The following FHOD3 variants were observed in gnomAD, a reference collection of about 807,000 sequenced individuals.
FHOD3 encodes the protein formin homology 2 domain containing 3.
A neutral mutation model predicts 173.0 loss-of-function variants in FHOD3; 90 were observed. The observed-to-expected ratio is 0.52, with a 90% CI of 0.44 to 0.62. The LOEUF (loss-of-function observed/expected upper bound fraction) is 0.62, where lower values mean the gene tolerates loss of function less well. FHOD3 is among the 20% of genes least tolerant of loss of function. FHOD3 has a pLI of 0.00. For missense variants in FHOD3, 1,945 were observed against 2,034.7 expected, an observed-to-expected ratio of 0.96 and a Z score of 0.85; for synonymous variants, 828 against 823.0, an observed-to-expected ratio of 1.01 and a Z score of -0.10.
In FHOD3 at chr18:36,352,374, A is replaced by G. The variant is rs185007617; in HGVS notation, c.166-3165A>G. On this transcript the variant is annotated intron_variant, in intron 1 of 28. Transcript: ENST00000590592. ...AGACATTCACAGTGTGTCACTTCCT[A>G]ATTATTTTACTCCATTCTGCTACCT... 2.1e-3 allele frequency among the ~76,000 whole-genome samples: 319 copies of G among 152,318 alleles called. 3 individuals carry two copies. The highest frequency in any genetic ancestry group is 7.3e-3 in the African/African-American group (305 of 41,580).
At chr18:36,533,622 CTT>C (rs2056875628) in intron 5 of FHOD3, among the ~76,000 whole-genome samples, 2 of 152,270 alleles carry the variant, frequency 1.3e-5, no homozygotes, top group Middle Eastern at 3.4e-3. Context: ...GGATCAATGA[CTT>C]TGATAACTGG....
At chr18:36,582,805 G>A (rs1046162191) in intron 6 of FHOD3, among the ~76,000 whole-genome samples, 5 of 152,204 alleles carry the variant, frequency 3.3e-5, no homozygotes, top group African/African-American at 4.8e-5. Context: ...ACATCTTTTA[G>A]CAGCAGCCTT....
intron 14 of FHOD3, among the ~76,000 whole-genome samples, chr18:36,680,515 A>G (rs1360040308): frequency 6.6e-6 from 1 of 152,242 alleles, no homozygotes; most frequent in South Asian, 2.1e-4. Context: ...GAGATCCATC[A>G]GACTCCTTTA....
intron 3 of FHOD3, among the ~76,000 whole-genome samples, chr18:36,465,125 C>G (rs941543288): frequency 6.6e-6 from 1 of 152,226 alleles, no homozygotes; most frequent in East Asian, 1.9e-4. Context: ...GACAAGAGTT[C>G]GAGACCAGCC....
At chr18:36,649,520 C>G (rs2035911291) in intron 11 of FHOD3, 115 bp downstream of exon 11, 3 of 707,054 alleles carry the variant, frequency 4.2e-6, no homozygotes, top group Non-Finnish European at 6.9e-6. Context: ...CACTTGCAAA[C>G]TCTTACTTAC....
At chr18:36,711,583 C>A (rs76355418) in intron 18 of FHOD3, 3 of 152,154 alleles carry the variant, frequency 2.0e-5, no homozygotes, top group Non-Finnish European at 1.5e-5. Context: ...ACAAAACAAT[C>A]GATGAATAAA....
Position 36,759,144 on chromosome 18 carries a change from A to G in FHOD3, c.4449+3A>G. Reference sequence around the variant, plus strand: ...CTGATGAGGAGGAGGAAGTTGAGGTATGACCATTTATGAACATGAAGAATG... The same window carrying G: ...CTGATGAGGAGGAGGAAGTTGAGGTGTGACCATTTATGAACATGAAGAATG... On this transcript the variant is annotated splice_donor_region_variant and intron_variant, in intron 26 of 28. Coordinates refer to ENST00000590592, the MANE Select transcript of FHOD3 (RefSeq NM_001281740.3). 6.5e-7 allele frequency: 1 copy of G among 1,535,824 alleles called. No individual in the cohort carries two copies. Among genetic ancestry groups the G allele is most frequent in the Non-Finnish European group, 8.7e-7 (1 of 1,146,680 alleles).
intron 10 of FHOD3, among the ~76,000 whole-genome samples, chr18:36,638,528 G>A (rs759845622): frequency 2.6e-5 from 4 of 152,142 alleles, no homozygotes; most frequent in Non-Finnish European, 4.4e-5. Context: ...CGGATTGGAG[G>A]CAAGGGAGAG....
At chr18:36,716,433 C>T (rs542713671) in intron 18 of FHOD3, among the ~76,000 whole-genome samples, 12 of 152,270 alleles carry the variant, frequency 7.9e-5, no homozygotes, top group African/African-American at 2.6e-4. Context: ...ATTAAGTTGC[C>T]GTAGCTGAGA....
chr18:36,512,200 G>A (rs2055695626), intron 4 of FHOD3, among the ~76,000 whole-genome samples: 1 of 152,224 alleles, frequency 6.6e-6, no homozygotes, highest in Non-Finnish European at 1.5e-5. Flanking sequence ...AGATTCATTT[G>A]CCTTATCTTT....
At chr18:36,561,959 G>GTGTAT (rs36233913) in intron 5 of FHOD3, among the ~76,000 whole-genome samples, 22,210 of 126,954 alleles carry the variant, frequency 0.17, 3,174 homozygotes, top group Admixed American at 0.21. Context: ...CTACTACACT[G>GTGTAT]TGTATTGTAT....
intron 25 of FHOD3, among the ~76,000 whole-genome samples, chr18:36,758,761 T>C (rs777798868): frequency 4.2e-4 from 64 of 152,194 alleles, no homozygotes; most frequent in Non-Finnish European, 8.2e-4. Context: ...CCAAGCCATA[T>C]GGTTCACAGA....
At chr18:36,701,619 C>T (rs1241406693) in intron 17 of FHOD3, among the ~76,000 whole-genome samples, 1 of 152,130 alleles carries the variant, frequency 6.6e-6, no homozygotes, top group African/African-American at 2.4e-5. Flanking sequence ...TTCTTCTTTT[C>T]CTTGAACCAT....
chr18:36,702,783 A>G (rs1346929397), intron 17 of FHOD3, among the ~76,000 whole-genome samples: 1 of 152,286 alleles, frequency 6.6e-6, no homozygotes, highest in East Asian at 1.9e-4. Context: ...GATGAAAGCA[A>G]CATTGAAACA....
chr18:36,735,616 A>C (rs959486068), intron 20 of FHOD3, among the ~76,000 whole-genome samples: 2 of 152,230 alleles, frequency 1.3e-5, no homozygotes, highest in Non-Finnish European at 2.9e-5. Flanking sequence ...AGAATGAAAG[A>C]AGATACTATC....
chr18:36,510,562 TCTCA>T (rs1568365381), intron 4 of FHOD3, among the ~76,000 whole-genome samples: 1 of 152,218 alleles, frequency 6.6e-6, no homozygotes, highest in Non-Finnish European at 1.5e-5. Context: ...GAGAGCTTGT[TCTCA>T]CTTTTTCACC....
intron 3 of FHOD3, among the ~76,000 whole-genome samples, chr18:36,468,834 C>T (rs2053108726): frequency 6.6e-6 from 1 of 152,142 alleles, no homozygotes; most frequent in Non-Finnish European, 1.5e-5. Context: ...AAGCCACCTC[C>T]AGCTGAGAGC....
intron 19 of FHOD3, among the ~76,000 whole-genome samples, chr18:36,729,807 C>T (rs760310100): frequency 6.6e-6 from 1 of 152,218 alleles, no homozygotes; most frequent in African/African-American, 2.4e-5. Context: ...GCTTATAACA[C>T]GTGCTTGCCA....
rs1456651752 is a variant in FHOD3, at chr18:36,742,856, T to A, written c.3879T>A (p.Asn1293Lys). The A allele has an allele frequency of 1.2e-6, 2 of 1,611,222 alleles. No individual in the cohort carries two copies. The highest frequency in any genetic ancestry group is 2.7e-5 in the African/African-American group (2 of 74,758). ...TTGGGAACTTTCTAAATGGAACTAA[T>A]GTAAGTCATCCCCATCCCTCATCCT... ...LAIGNFLNGT[N>K]AKAFELSYLE... The change falls in exon 22 of 29, where the codon AAT becomes AAA. Residue 1293 changes from asparagine (N) to lysine (K), a missense_variant and splice_region_variant. Asn to Lys is a moderately conservative substitution (Grantham distance 94, BLOSUM62 0). Transcript: ENST00000590592.
Sources: allele counts gnomAD v4.1 joint callset (sites outside exome capture counted in the v4.1 genomes callset), GRCh38; gene constraint gnomAD v4.1.1; transcripts MANE v1.5; gene names NCBI Gene and HGNC (gene_info 2026-07-23, HGNC 2026-07-21).